Variants in NCAPD2 observed in about 807,000 individuals in gnomAD.
NCAPD2 encodes condensin complex subunit 1.
NCAPD2 carries 100 observed loss-of-function variants against 164.5 expected under a neutral mutation model. The ratio of observed to expected loss-of-function variants is 0.61; its 90% CI spans 0.52 to 0.72. NCAPD2 has a LOEUF of 0.72. NCAPD2 is among the 30% of genes least tolerant of loss of function. NCAPD2 has a pLI of 0.00. For synonymous variants in NCAPD2, 585 were observed against 642.6 expected, an observed-to-expected ratio of 0.91 and a Z score of 1.36; for missense variants, 1,560 against 1,749.2, an observed-to-expected ratio of 0.89 and a Z score of 1.93.
chr12:6,528,622 A>T lies in NCAPD2; in HGVS notation c.3300-57A>T. 2 of 1,542,588 alleles carry T rather than the reference A, an allele frequency of 1.3e-6. No homozygotes were observed. Among genetic ancestry groups the T allele is most frequent in the Non-Finnish European group, 1.8e-6 (2 of 1,130,682 alleles). The stretch of plus-strand genomic sequence containing the variant: ...ATTCCTGCTGAGGGCCTTTTCTACC[A>T]GTGTTAGGGTGTAGCCCGGAGGTCT... On this transcript the variant is annotated intron_variant, in intron 25 of 31. Coordinates refer to ENST00000315579, the MANE Select transcript of NCAPD2 (RefSeq NM_014865.4). This position sits in a 1 kb window ranked among gnomAD's most constrained non-coding sequence, Gnocchi z 5.1.
intron 6 of NCAPD2, 56 bp from the exon 7 acceptor site, chr12:6,514,209 T>A: frequency 1.2e-6 from 2 of 1,609,604 alleles, no homozygotes; most frequent in Non-Finnish European, 1.7e-6. Context: ...GGCAGGGCTC[T>A]GATACAATTG....
In NCAPD2 at chr12:6,510,810, G is replaced by C. The variant is rs374658418; in HGVS notation, c.444G>C (p.Lys148Asn). The C allele has an allele frequency of 1.2e-6, 2 of 1,613,770 alleles. No homozygotes were observed. Among genetic ancestry groups the C allele is most frequent in the African/African-American group, 1.3e-5 (1 of 74,906 alleles). ...TTGTGGACCTGGACCTTGGTGGGAA[G>C]GTAATTTGGAGTTTTGGGCTCACGT... ...TNLVDLDLGG[K>N]GKKARTKAAH... The change falls in exon 5 of 32, where the codon AAG becomes AAC. Residue 148 changes from lysine to asparagine, a missense_variant and splice_region_variant. Physicochemically the swap from Lys to Asn is moderately conservative, Grantham distance 94. Transcript: ENST00000315579.
At chr12:6,497,918 C>CTT (rs71067120) in intron 2 of NCAPD2, among the ~76,000 whole-genome samples, 2,455 of 140,082 alleles carry the variant, frequency 0.018, 63 homozygotes, top group African/African-American at 0.06. Flanking sequence ...CGCCCAGCCA[C>CTT]TTTTTTTTTT....
At position 6,528,945 on chromosome 12, in the gene NCAPD2, G is replaced by A. The variant is rs757293887; in HGVS notation, c.3478G>A (p.Gly1160Ser). ...KNFFNELSHK[G>S]NAIYNLLPDI... The stretch of plus-strand genomic sequence containing the variant: ...TAACATGGCTCTCTCTGTCTTACAG[G>A]GCAACGCAATCTATAATCTCCTTCC... Residue 1160 changes from glycine to serine, a missense_variant and splice_region_variant, in exon 27 of 32, where the codon GGC (glycine) becomes AGC (serine). Physicochemically the swap from Gly to Ser is moderately conservative, Grantham distance 56 (BLOSUM62 0). Coordinates refer to ENST00000315579, the MANE Select transcript of NCAPD2 (RefSeq NM_014865.4). The surrounding 1 kb of genome is among the most constrained non-coding windows in gnomAD (Gnocchi z 5.1). 1 of 1,614,118 alleles carries A rather than the reference G, an allele frequency of 6.2e-7. No individual in the cohort carries two copies. The highest frequency in any genetic ancestry group is 8.5e-7 in the Non-Finnish European group (1 of 1,180,010).
At chr12:6,525,962 G>T in intron 18 of NCAPD2, 106 bp from the exon 19 acceptor site, 2 of 1,445,878 alleles carry the variant, frequency 1.4e-6, no homozygotes, top group South Asian at 1.3e-5. Context: ...AGTGCTCCAC[G>T]GCTCTAGACA....
chr12:6,517,144 A>G (rs564694332), intron 10 of NCAPD2, 119 bp downstream of exon 10: 2 of 1,321,686 alleles, frequency 1.5e-6, no homozygotes, highest in East Asian at 2.3e-5. Context: ...CATTTTTATT[A>G]TCAGTAGTAA....
rs560070593 is a variant in NCAPD2, at chr12:6,526,149, G to A, written c.2430G>A (p.Arg810=). 4 of 1,614,182 alleles carry A rather than the reference G, an allele frequency of 2.5e-6. No homozygotes were observed. Among genetic ancestry groups the A allele is most frequent in the Middle Eastern group, 1.6e-4 (1 of 6,062 alleles). Residue 810 remains arginine (R), a synonymous_variant, in exon 19 of 32, where the codon AGG becomes AGA. Coordinates refer to ENST00000315579, the MANE Select transcript of NCAPD2 (RefSeq NM_014865.4). ...ATGAGAAGTTTCCACAGGACTACAGGCTGGCCCAGCAGGTGTGCCATGCCA... is the reference window on the plus strand; with the variant it reads ...ATGAGAAGTTTCCACAGGACTACAGACTGGCCCAGCAGGTGTGCCATGCCA... ...GLDEKFPQDY[R]LAQQVCHAIA...
At chr12:6,518,110 A>G (rs1946221395) in intron 13 of NCAPD2, 151 bp downstream of exon 13, 1 of 675,878 alleles carries the variant, frequency 1.5e-6, no homozygotes. Context: ...TGGTCTGACC[A>G]TAGGCCTAGT....
chr12:6,511,401 C>T lies in NCAPD2; in HGVS notation c.587+149C>T, dbSNP rs1452810339. The stretch of plus-strand genomic sequence containing the variant: ...AGGCTGGAGCGCAGTGGTTCAATCT[C>T]GGCTCACTGCAGCCTCTACCTCCTG... On this transcript the variant is annotated intron_variant, in intron 6 of 31. Transcript: ENST00000315579. The T allele has an allele frequency of 1.1e-5, 10 of 920,368 alleles. No individual in the cohort carries two copies. In the Admixed American group the frequency reaches 1.5e-4, roughly 14 times the overall value. The allele number at this position is 920,368 out of a possible 1,614,324, so 57.0% of individuals were successfully genotyped here.
intron 2 of NCAPD2, among the ~76,000 whole-genome samples, chr12:6,498,597 A>T (rs1452895310): frequency 1.3e-5 from 2 of 151,708 alleles, no homozygotes; most frequent in African/African-American, 4.8e-5. Flanking sequence ...TAGATACAGT[A>T]AGAGATTAAC....
intron 2 of NCAPD2, among the ~76,000 whole-genome samples, chr12:6,496,230 T>C (rs550465342): frequency 6.6e-6 from 1 of 151,738 alleles, no homozygotes; most frequent in African/African-American, 2.4e-5. Flanking sequence ...TGGCTAATTT[T>C]TGTATTTTTA....
chr12:6,522,593 A>AG, intron 15 of NCAPD2, among the ~76,000 whole-genome samples: 1 of 150,412 alleles, frequency 6.6e-6, no homozygotes, highest in Admixed American at 6.6e-5. Context: ...TCTTAAGAAA[A>AG]GAAAAAAAAA....
chr12:6,513,729 T>TTTTTTTTTTTTTTTTTTTC, intron 6 of NCAPD2, among the ~76,000 whole-genome samples: 1 of 138,496 alleles, frequency 7.2e-6, no homozygotes, highest in African/African-American at 2.8e-5. Context: ...TTTTTTTTTT[T>TTTTTTTTTTTTTTTTTTTC]TTTTGTGATG....
At position 6,528,013 on chromosome 12, in the gene NCAPD2, G is replaced by A. The variant is rs1946332298; in HGVS notation, c.3065G>A (p.Cys1022Tyr). ...AAFVPLLLKV[C>Y]NNPGLYSNPD... ...TTTGTTCCACTCTTGCTTAAAGTCT[G>A]TAACAACCCAGGCCTCTATAGCAAC... The change falls in exon 24 of 32, where the codon TGT becomes TAT. Residue 1022 changes from cysteine to tyrosine, a missense_variant. Coordinates refer to ENST00000315579, the MANE Select transcript of NCAPD2 (RefSeq NM_014865.4). The surrounding 1 kb of genome is among the most constrained non-coding windows in gnomAD (Gnocchi z 5.1). 6.2e-7 allele frequency: 1 copy of A among 1,614,236 alleles called. No individual in the cohort carries two copies. The highest frequency in any genetic ancestry group is 8.5e-7 in the Non-Finnish European group (1 of 1,180,044).
intron 9 of NCAPD2, among the ~76,000 whole-genome samples, chr12:6,516,611 A>G (rs1465194800): frequency 6.6e-6 from 1 of 152,152 alleles, no homozygotes; most frequent in Non-Finnish European, 1.5e-5. Flanking sequence ...TTTTTTATTC[A>G]GCTACTACCA....
In NCAPD2 at chr12:6,525,688, T is replaced by C. The variant is rs745980585; in HGVS notation, c.2320T>C (p.Ser774Pro). The C allele has an allele frequency of 1.9e-6, 3 of 1,613,710 alleles. No individual in the cohort carries two copies. The highest frequency in any genetic ancestry group is 2.5e-6 in the Non-Finnish European group (3 of 1,179,940). The change falls in exon 18 of 32, where the codon TCT becomes CCT. Residue 774 changes from serine to proline, a missense_variant. Ser to Pro is a moderately conservative substitution (Grantham distance 74). Coordinates refer to ENST00000315579, the MANE Select transcript of NCAPD2 (RefSeq NM_014865.4). Reference sequence around the variant, plus strand: ...CTGCTGTCCTCTGGAGCGCTGTTCCTCTGTCATGCTTCTTGGCATGATGGC... The same window carrying C: ...CTGCTGTCCTCTGGAGCGCTGTTCCCCTGTCATGCTTCTTGGCATGATGGC... ...VACCPLERCS[S>P]VMLLGMMARG...
At position 6,531,664 on chromosome 12, in the gene NCAPD2, G is replaced by C; in HGVS notation, c.*252G>C. On this transcript the variant is annotated 3_prime_UTR_variant, in exon 32 of 32. Transcript: ENST00000315579. The surrounding 1 kb of genome is among the most constrained non-coding windows in gnomAD (Gnocchi z 4.1). ...CTACTAAAAATAAAAAATTAGCCGG[G>C]CGTATTGGCGTGCGCCTGTAATCCC... The C allele has an allele frequency of 1.9e-6, 1 of 537,716 alleles. No individual in the cohort carries two copies. The highest frequency in any genetic ancestry group is 1.9e-5 in the South Asian group (1 of 51,794). The allele number at this position is 537,716 out of a possible 1,614,324, so 33.3% of individuals were successfully genotyped here.
rs1224543911 is a variant in NCAPD2, at chr12:6,528,664, C to T, written c.3300-15C>T. On this transcript the variant is annotated splice_polypyrimidine_tract_variant and intron_variant, in intron 25 of 31. Coordinates refer to ENST00000315579, the MANE Select transcript of NCAPD2 (RefSeq NM_014865.4). This position sits in a 1 kb window ranked among gnomAD's most constrained non-coding sequence, Gnocchi z 5.1. ...CGGAGGTCTCGGTCCCCATGACCCGCAATTCCATTCCTAGTCTCCGGGACC... is the reference window on the plus strand; with the variant it reads ...CGGAGGTCTCGGTCCCCATGACCCGTAATTCCATTCCTAGTCTCCGGGACC... 1 of 1,604,892 alleles carries T rather than the reference C, an allele frequency of 6.2e-7. No homozygotes were observed. Among genetic ancestry groups the T allele is most frequent in the Non-Finnish European group, 8.5e-7 (1 of 1,172,758 alleles).
In NCAPD2 at chr12:6,529,963, G is replaced by A; in HGVS notation, c.3837+5G>A. The A allele has an allele frequency of 1.9e-6, 3 of 1,612,094 alleles. No homozygotes were observed. ...GGGGCCAAGCCTGAGGGCAAGGTGA[G>A]CAGCACAGGACACTTCAATGCCTGT... On this transcript the variant is annotated splice_donor_5th_base_variant and intron_variant, in intron 29 of 31. Transcript: ENST00000315579.
Sources: allele counts gnomAD v4.1 joint callset (sites outside exome capture counted in the v4.1 genomes callset), GRCh38; gene constraint gnomAD v4.1.1; non-coding constraint Gnocchi (gnomAD v3.1); transcripts MANE v1.5; gene names NCBI Gene and HGNC (gene_info 2026-07-23, HGNC 2026-07-21).